PADI1: variants seen among roughly 807,000 people sequenced by gnomAD.
The protein encoded by PADI1 is peptidyl arginine deiminase 1, also known as protein-arginine deiminase type-1.
A neutral mutation model predicts 74.8 loss-of-function variants in PADI1; 65 were observed. That is an observed-to-expected ratio of 0.87 (90% CI 0.71 to 1.07). The LOEUF (loss-of-function observed/expected upper bound fraction) is 1.07, where lower values mean the gene tolerates loss of function less well. Among genes scored for constraint, PADI1 ranks in the 50% least tolerant of loss-of-function variants. The probability of loss-of-function intolerance (pLI) is 0.00; values close to 1 mark genes in which losing one functional copy is unlikely to be tolerated. For missense variants in PADI1, 943 were observed against 854.0 expected (o/e 1.10, Z -1.30); for synonymous variants, 371 against 336.2 (o/e 1.10, Z -1.13).
chr1:17,234,287 ATG>A, intron 11 of PADI1, among the ~76,000 whole-genome samples: 1 of 152,346 alleles, frequency 6.6e-6, no homozygotes, highest in Middle Eastern at 3.4e-3. Flanking sequence ...TGCATTTTAA[ATG>A]AGCAAATTAT....
intron 15 of PADI1, among the ~76,000 whole-genome samples, chr1:17,241,517 T>C (rs918569947): frequency 6.4e-5 from 9 of 140,370 alleles, no homozygotes; most frequent in Non-Finnish European, 1.5e-5. Context: ...GGAATCGGGA[T>C]GGAATCAGGG....
Position 17,230,079 on chromosome 1 carries a change from T to C in PADI1, c.930-6T>C, listed in dbSNP as rs765923480. On this transcript the variant is annotated splice_polypyrimidine_tract_variant and splice_region_variant and intron_variant, in intron 8 of 15. Coordinates refer to ENST00000375471, the MANE Select transcript of PADI1 (RefSeq NM_013358.3). The stretch of plus-strand genomic sequence containing the variant: ...TAGCATGCTCCCCTCTCCCTACCTT[T>C]TACAGAGTGATGGACACTCATGGCT... 3.1e-6 allele frequency: 5 copies of C among 1,612,792 alleles called. No individual in the cohort carries two copies. The African/African-American group carries it at 5.3e-5, about 17-fold the overall frequency.
At chr1:17,242,498 G>T (rs2072797312) in intron 15 of PADI1, among the ~76,000 whole-genome samples, 1 of 152,246 alleles carries the variant, frequency 6.6e-6, no homozygotes, top group African/African-American at 2.4e-5. Context: ...TCTGGTTCTG[G>T]CTGAAGGTGG....
Position 17,239,777 on chromosome 1 carries a change from T to C in PADI1, c.1626T>C (p.His542=). ...ADRHLQRDNL[H]AQKCIDWNRN... ...GACACCTCCAGAGAGACAATCTTCA[T>C]GCACAGGTGAGAGGCAGGACCACCA... The change falls in exon 14 of 16, where the codon CAT becomes CAC. Residue 542 remains histidine (H), a synonymous_variant. Transcript: ENST00000375471. The C allele has an allele frequency of 6.2e-7, 1 of 1,612,706 alleles. No homozygotes were observed. The highest frequency in any genetic ancestry group is 1.1e-5 in the South Asian group (1 of 91,032).
intron 1 of PADI1, among the ~76,000 whole-genome samples, chr1:17,214,472 T>C (rs1244185456): frequency 6.6e-6 from 1 of 152,138 alleles, no homozygotes; most frequent in Non-Finnish European, 1.5e-5. Flanking sequence ...ACTCCTGTAG[T>C]GGTAATGATT....
chr1:17,243,071 G>A (rs1037974758), intron 15 of PADI1, among the ~76,000 whole-genome samples: 3 of 152,190 alleles, frequency 2.0e-5, no homozygotes, highest in Admixed American at 1.3e-4. Context: ...GCAGAGTCCA[G>A]GACAGGCTCA....
chr1:17,240,009 G>A, intron 14 of PADI1: 1 of 532,716 alleles, frequency 1.9e-6, no homozygotes, highest in Non-Finnish European at 3.4e-6. Context: ...GGGAGACCCG[G>A]CCCCACGCTG....
intron 11 of PADI1, among the ~76,000 whole-genome samples, chr1:17,234,529 C>T (rs1210374556): frequency 6.6e-6 from 1 of 152,224 alleles, no homozygotes; most frequent in Non-Finnish European, 1.5e-5. Flanking sequence ...ACCCATAGTG[C>T]TTTCCCCAGG....
At chr1:17,213,885 C>A (rs1276530950) in intron 1 of PADI1, among the ~76,000 whole-genome samples, 1 of 152,136 alleles carries the variant, frequency 6.6e-6, no homozygotes, top group Non-Finnish European at 1.5e-5. Flanking sequence ...AAGAATTCAC[C>A]CCATTCTGCC....
rs1244113458 is a variant in PADI1, at chr1:17,228,797, G to T, written c.825G>T (p.Gly275=). ...TCAGTGTCAGCCTGGTGGACCCGGGGGTGTGTACAGCACTGGGGGGTGGCC... is the reference window on the plus strand; with the variant it reads ...TCAGTGTCAGCCTGGTGGACCCGGGTGTGTGTACAGCACTGGGGGGTGGCC... ...VSLSVSLVDP[G]TLPEVTLFTD... The change falls in exon 7 of 16, where the codon GGG becomes GGT. Residue 275 remains glycine (G), a splice_region_variant and synonymous_variant. Coordinates refer to ENST00000375471, the MANE Select transcript of PADI1 (RefSeq NM_013358.3). 1 of 1,613,880 alleles carries T rather than the reference G, an allele frequency of 6.2e-7. No homozygotes were observed.
chr1:17,241,415 C>A (rs866490916), intron 15 of PADI1, among the ~76,000 whole-genome samples: 1 of 152,228 alleles, frequency 6.6e-6, no homozygotes, highest in African/African-American at 2.4e-5. Flanking sequence ...CTTCAGACTG[C>A]GGTCTTTAGC....
intron 1 of PADI1, among the ~76,000 whole-genome samples, chr1:17,213,792 C>A (rs2071897917): frequency 6.6e-6 from 1 of 152,230 alleles, no homozygotes; most frequent in Non-Finnish European, 1.5e-5. Flanking sequence ...CTGCACCTTA[C>A]CACAGGAGGC....
In PADI1 at chr1:17,232,911, C is replaced by G. The variant is rs1217650143; in HGVS notation, c.1254C>G (p.Val418=). Residue 418 remains valine (V), a synonymous_variant, in exon 11 of 16, where the codon GTC becomes GTG. Transcript: ENST00000375471. ...SFGNLDVSPP[V]TVGGTEYPLG... ...GCAACCTGGACGTCAGCCCGCCCGT[C>G]ACGGTGGGCGGCACGGAATACCCCC... The G allele has an allele frequency of 2.0e-5, 33 of 1,613,050 alleles. No homozygotes were observed. Among genetic ancestry groups the G allele is most frequent in the Non-Finnish European group, 2.8e-5 (33 of 1,179,898 alleles).
At chr1:17,233,551 A>C (rs902324486) in intron 11 of PADI1, among the ~76,000 whole-genome samples, 4 of 152,228 alleles carry the variant, frequency 2.6e-5, no homozygotes, top group Non-Finnish European at 5.9e-5. Flanking sequence ...ACGCTCAAAC[A>C]GGTGGCGATG....
In PADI1 at chr1:17,232,896, C is replaced by A. The variant is rs775391121; in HGVS notation, c.1239C>A (p.Asp413Glu). The change falls in exon 11 of 16, where the codon GAC becomes GAA. Residue 413 changes from aspartate to glutamate, a missense_variant. Physicochemically the swap from Asp to Glu is conservative, Grantham distance 45. Transcript: ENST00000375471. ...GCCTTGACTCCTTCGGCAACCTGGA[C>A]GTCAGCCCGCCCGTCACGGTGGGCG... ...PSSLDSFGNLDVSPPVTVGGT... is the reference protein window; with the variant it reads ...PSSLDSFGNLEVSPPVTVGGT... 1.9e-6 allele frequency: 3 copies of A among 1,613,276 alleles called. No individual in the cohort carries two copies. In the Admixed American group the frequency reaches 5.0e-5, roughly 27 times the overall value.
In PADI1 at chr1:17,230,601, C is replaced by T. The variant is rs1017433775; in HGVS notation, c.1083C>T (p.Ala361=). The change falls in exon 10 of 16, where the codon GCC becomes GCT. Residue 361 remains alanine (A), a synonymous_variant. Coordinates refer to ENST00000375471, the MANE Select transcript of PADI1 (RefSeq NM_013358.3). The stretch of plus-strand genomic sequence containing the variant: ...AGATGGAGTTTGGCTACATCGAGGC[C>T]CCTCACAAATCCTTCCCCGTGGTCT... ...QDEMEFGYIE[A]PHKSFPVVFD... The T allele has an allele frequency of 9.3e-6, 15 of 1,612,210 alleles. No homozygotes were observed. The highest frequency in any genetic ancestry group is 1.3e-5 in the African/African-American group (1 of 74,844).
At position 17,228,799 on chromosome 1, in the gene PADI1, T is replaced by G. The variant is rs2072398577; in HGVS notation, c.825+2T>G. ...AGTGTCAGCCTGGTGGACCCGGGGG[T>G]GTGTACAGCACTGGGGGGTGGCCAA... On this transcript the variant is annotated splice_donor_variant, in intron 7 of 15. Transcript: ENST00000375471. LOFTEE classifies it high-confidence loss of function. 6.2e-7 allele frequency: 1 copy of G among 1,611,356 alleles called. No individual in the cohort carries two copies. The highest frequency in any genetic ancestry group is 1.7e-5 in the Admixed American group (1 of 59,800).
Position 17,230,559 on chromosome 1 carries a change from T to C in PADI1, c.1054-13T>C, listed in dbSNP as rs371211642. 5 of 1,581,738 alleles carry C rather than the reference T, an allele frequency of 3.2e-6. No homozygotes were observed. Among genetic ancestry groups the C allele is most frequent in the Non-Finnish European group, 4.3e-6 (5 of 1,159,424 alleles). On this transcript the variant is annotated splice_polypyrimidine_tract_variant and intron_variant, in intron 9 of 15. Coordinates refer to ENST00000375471, the MANE Select transcript of PADI1 (RefSeq NM_013358.3). ...AAAAGGTCACTGTGGCTTTTTCATC[T>C]CTCCCCTCCCAGGACGAGATGGAGT... is the stretch of plus-strand genomic sequence containing the variant.
At chr1:17,215,623 C>A (rs1398691525) in intron 1 of PADI1, among the ~76,000 whole-genome samples, 1 of 152,124 alleles carries the variant, frequency 6.6e-6, no homozygotes, top group African/African-American at 2.4e-5. Flanking sequence ...TGGCTACTTG[C>A]TCTTGGAACT....
Sources: gnomAD v4.1 joint callset for allele counts (sites outside exome capture counted in the v4.1 genomes callset) on GRCh38, gnomAD v4.1.1 for gene constraint, MANE v1.5 for transcripts, NCBI Gene and HGNC (gene_info 2026-07-23, HGNC 2026-07-21) for gene names.